Variants in ATP13A4 observed in about 807,000 individuals in gnomAD.
ATP13A4 encodes ATPase 13A4.
In ATP13A4, 114 loss-of-function variants were observed where a neutral mutation model predicts 142.5. That is an observed-to-expected ratio of 0.80 (90% confidence interval 0.69 to 0.93). The LOEUF (loss-of-function observed/expected upper bound fraction) is 0.93. Among genes scored for constraint, ATP13A4 ranks in the 40% least tolerant of loss-of-function variants. The pLI, the probability that ATP13A4 is intolerant of heterozygous loss-of-function variation, is 0.00. For missense variants in ATP13A4, 1,392 were observed against 1,454.0 expected (o/e 0.96, Z 0.69); for synonymous variants, 488 against 514.8 (o/e 0.95, Z 0.70).
intron 1 of ATP13A4, among the ~76,000 whole-genome samples, chr3:193,534,874 T>C (rs988225105): frequency 6.6e-6 from 1 of 151,932 alleles, no homozygotes; most frequent in Non-Finnish European, 1.5e-5. Context: ...TTTGAGGAGA[T>C]GAGTCAACCC....
intron 3 of ATP13A4, among the ~76,000 whole-genome samples, chr3:193,498,132 T>A (rs141774691): frequency 2.0e-4 from 30 of 152,288 alleles, no homozygotes; most frequent in African/African-American, 7.2e-4. Context: ...AATATACGAA[T>A]TTGATTTATA....
intron 10 of ATP13A4, among the ~76,000 whole-genome samples, chr3:193,467,046 T>C (rs1355618178): frequency 2.0e-5 from 3 of 152,080 alleles, no homozygotes; most frequent in African/African-American, 7.2e-5. Context: ...AAATGCATAA[T>C]TGGATTGTTT....
chr3:193,410,385 T>C lies in ATP13A4; in HGVS notation c.3297+597A>G, dbSNP rs550270432. On this transcript the variant is annotated intron_variant, in intron 28 of 29. Transcript: ENST00000342695. ...TCTCTCATATTTGAAAGAGAAAATA[T>C]AGAAAAACATTTTCTCATAGGAGAT... Among the ~76,000 whole-genome samples, 4 of 152,228 alleles carry C rather than the reference T, an allele frequency of 2.6e-5. No individual in the cohort carries two copies. The South Asian group carries it at 8.3e-4, about 32-fold the overall frequency.
chr3:193,399,502 C>G lies in ATP13A4; in HGVS notation c.*3150G>C, dbSNP rs1378551826. On this transcript the variant is annotated 3_prime_UTR_variant, in exon 30 of 30. Transcript: ENST00000342695. The stretch of plus-strand genomic sequence containing the variant: ...CGGATCTGACAAGGCTGGGAGCCCT[C>G]CCTCCAGAGCCCATCCTCCCATGAG... Among the ~76,000 whole-genome samples, 1 of 152,104 alleles carries G rather than the reference C, an allele frequency of 6.6e-6. No homozygotes were observed. The highest frequency in any genetic ancestry group is 2.4e-5 in the African/African-American group (1 of 41,406).
At chr3:193,482,301 A>T (rs1719342183) in intron 8 of ATP13A4, among the ~76,000 whole-genome samples, 1 of 152,198 alleles carries the variant, frequency 6.6e-6, no homozygotes, top group African/African-American at 2.4e-5. Context: ...GTAATATAGA[A>T]CTACATGTAA....
At chr3:193,439,101 A>C (rs753232770) in intron 21 of ATP13A4, 36 bp from the exon 22 acceptor site, 69 of 1,550,212 alleles carry the variant, frequency 4.5e-5, no homozygotes, top group Non-Finnish European at 6.1e-5. Flanking sequence ...GATGAGATCA[A>C]ACCTATCTTG....
Position 193,402,762 on chromosome 3 carries a change from C to A in ATP13A4, c.3481G>T (p.Asp1161Tyr). 1 of 1,613,940 alleles carries A rather than the reference C, an allele frequency of 6.2e-7. No homozygotes were observed. Among genetic ancestry groups the A allele is most frequent in the South Asian group, 1.1e-5 (1 of 91,064 alleles). The change falls in exon 30 of 30, where the codon GAC becomes TAC. Residue 1161 changes from aspartate to tyrosine, a missense_variant. Transcript: ENST00000342695. ...YRIWQRDLAN[D>Y]PSWPPLNQTS... ...TGGTTTAGCGGGGGCCAACTAGGGTCATTTGCCAAGTCCCTCTGCCATATC... is the reference window on the plus strand; with the variant it reads ...TGGTTTAGCGGGGGCCAACTAGGGTAATTTGCCAAGTCCCTCTGCCATATC...
chr3:193,463,628 A>G (rs923099391), intron 12 of ATP13A4, among the ~76,000 whole-genome samples: 3 of 152,122 alleles, frequency 2.0e-5, no homozygotes, highest in South Asian at 2.1e-4. Flanking sequence ...TGTTTCATTT[A>G]ATATCTAGCA....
intron 13 of ATP13A4, among the ~76,000 whole-genome samples, chr3:193,462,232 A>G (rs907514654): frequency 1.3e-5 from 2 of 151,900 alleles, no homozygotes; most frequent in East Asian, 1.9e-4. Flanking sequence ...CAAAAAAAAA[A>G]AAAAAAGAAA....
chr3:193,507,083 A>G (rs1259183196), intron 2 of ATP13A4, among the ~76,000 whole-genome samples: 5 of 152,186 alleles, frequency 3.3e-5, no homozygotes, highest in Non-Finnish European at 7.4e-5. Flanking sequence ...AGTTCACTAC[A>G]CAAAAAAATG....
chr3:193,476,872 A>G (rs987271235), intron 8 of ATP13A4, among the ~76,000 whole-genome samples: 2 of 152,092 alleles, frequency 1.3e-5, no homozygotes, highest in Admixed American at 6.6e-5. Flanking sequence ...CCCCAAAACA[A>G]TTATCATAGT....
At chr3:193,583,819 A>T (rs1724618634) in intron 1 of ATP13A4, among the ~76,000 whole-genome samples, 1 of 152,222 alleles carries the variant, frequency 6.6e-6, no homozygotes, top group Non-Finnish European at 1.5e-5. Flanking sequence ...GAAAAGGCAA[A>T]AGTGTCACTG....
At chr3:193,464,395 T>C (rs1248598322) in intron 12 of ATP13A4, among the ~76,000 whole-genome samples, 2 of 152,232 alleles carry the variant, frequency 1.3e-5, no homozygotes, top group East Asian at 1.9e-4. Flanking sequence ...AAAAAGACGG[T>C]AGAATACGAG....
At chr3:193,511,400 G>C (rs1218296740) in intron 2 of ATP13A4, among the ~76,000 whole-genome samples, 1 of 152,176 alleles carries the variant, frequency 6.6e-6, no homozygotes, top group Non-Finnish European at 1.5e-5. Flanking sequence ...GTATGGATGA[G>C]AGCTGGAGAC....
At chr3:193,524,842 TGATA>T (rs2108694439) in intron 1 of ATP13A4, among the ~76,000 whole-genome samples, 1 of 152,318 alleles carries the variant, frequency 6.6e-6, no homozygotes, top group South Asian at 2.1e-4. Flanking sequence ...AACCTCTCAG[TGATA>T]GCCAGACATG....
intron 8 of ATP13A4, among the ~76,000 whole-genome samples, chr3:193,474,339 A>AC (rs1398209531): frequency 6.7e-6 from 1 of 148,624 alleles, no homozygotes; most frequent in East Asian, 2.0e-4. Context: ...AAAAAAAAAA[A>AC]AAAAAAAACA....
chr3:193,472,394 C>T (rs1718677963), intron 8 of ATP13A4, among the ~76,000 whole-genome samples: 1 of 152,174 alleles, frequency 6.6e-6, no homozygotes, highest in African/African-American at 2.4e-5. Context: ...TCAGGTTACC[C>T]TCATTTTACT....
At chr3:193,471,723 T>C (rs748010654) in intron 8 of ATP13A4, among the ~76,000 whole-genome samples, 9 of 152,090 alleles carry the variant, frequency 5.9e-5, no homozygotes, top group Non-Finnish European at 1.3e-4. Flanking sequence ...GTGTTAAGTG[T>C]CTGCAAAGCT....
At chr3:193,415,070 G>C (rs1714984201) in intron 25 of ATP13A4, among the ~76,000 whole-genome samples, 1 of 152,108 alleles carries the variant, frequency 6.6e-6, no homozygotes, top group Non-Finnish European at 1.5e-5. Flanking sequence ...CTTCTGCAGG[G>C]CAATTTGGCA....
Sources: gnomAD v4.1 joint callset for allele counts (sites outside exome capture counted in the v4.1 genomes callset) on GRCh38, gnomAD v4.1.1 for gene constraint, MANE v1.5 for transcripts, NCBI Gene and HGNC (gene_info 2026-07-23, HGNC 2026-07-21) for gene names.